AMPH: variants seen among roughly 807,000 people sequenced by gnomAD.
AMPH encodes the protein amphiphysin (Stiff-Mann syndrome with breast cancer 128kD autoantigen).
AMPH carries 49 observed loss-of-function variants against 99.1 expected under a neutral mutation model. The ratio of observed to expected loss-of-function variants is 0.49; its 90% CI spans 0.39 to 0.63. AMPH has a LOEUF of 0.63. AMPH is among the 20% of genes least tolerant of loss of function. The pLI is 0.00. For missense variants in AMPH, 759 were observed against 863.4 expected, an observed-to-expected ratio of 0.88 and a Z score of 1.52; for synonymous variants, 314 against 317.3, an observed-to-expected ratio of 0.99 and a Z score of 0.11.
chr7:38,448,530 A>G (rs566682611), intron 11 of AMPH, among the ~76,000 whole-genome samples: 2 of 152,340 alleles, frequency 1.3e-5, no homozygotes, highest in South Asian at 4.1e-4. Context: ...AAAATAGAAC[A>G]ATGATAACAA....
chr7:38,392,377 CTTTTTTTTTTT>C (rs574057389), intron 18 of AMPH, among the ~76,000 whole-genome samples: 3 of 42,048 alleles, frequency 7.1e-5, no homozygotes, highest in Admixed American at 6.7e-4. Flanking sequence ...CGGCCTGGTT[CTTTTTTTTTTT>C]TTTTTTTTTT....
In AMPH at chr7:38,401,408, C is replaced by T. The variant is rs112519839; in HGVS notation, c.1399-7194G>A. Among the ~76,000 whole-genome samples, 1,036 of 152,322 alleles carry T rather than the reference C, an allele frequency of 6.8e-3. 14 individuals are homozygous for T. Among genetic ancestry groups the T allele is most frequent in the African/African-American group, 0.024 (981 of 41,562 alleles). On this transcript the variant is annotated intron_variant, in intron 17 of 20. Coordinates refer to ENST00000356264, the MANE Select transcript of AMPH (RefSeq NM_001635.4). Reference sequence around the variant, plus strand: ...ACATGTCACCACATTTGCTTTATCACGTCTTCCCACCTATCTGCCTTGATT... The same window carrying T: ...ACATGTCACCACATTTGCTTTATCATGTCTTCCCACCTATCTGCCTTGATT...
intron 9 of AMPH, 39 bp from the exon 10 acceptor site, chr7:38,463,152 A>G: frequency 6.2e-7 from 1 of 1,613,750 alleles, no homozygotes; most frequent in Non-Finnish European, 8.5e-7. Context: ...GGCCTTCTCA[A>G]GAACAGTATT....
intron 2 of AMPH, among the ~76,000 whole-genome samples, chr7:38,533,133 C>A (rs569822268): frequency 1.3e-5 from 2 of 152,172 alleles, no homozygotes; most frequent in African/African-American, 2.4e-5. Flanking sequence ...GCTACCCACA[C>A]GCAGGAGATG....
chr7:38,604,814 TTTTTCTCACCC>T (rs1793372142), intron 1 of AMPH, among the ~76,000 whole-genome samples: 1 of 152,218 alleles, frequency 6.6e-6, no homozygotes, highest in African/African-American at 2.4e-5. Context: ...TCAAAGTTCT[TTTTTCTCACCC>T]TTTTCTTCTC....
At chr7:38,418,315 GAGAGAGAGAGACAGAGATAGAGAC>G (rs1456087424) in intron 16 of AMPH, among the ~76,000 whole-genome samples, 1 of 152,098 alleles carries the variant, frequency 6.6e-6, no homozygotes, top group African/African-American at 2.4e-5. Flanking sequence ...GAGACAGAGA[GAGAGAGAGAGACAGAGATAGAGAC>G]AGAGACGGAG....
chr7:38,531,835 T>C (rs1242850098), intron 2 of AMPH, among the ~76,000 whole-genome samples: 1 of 152,186 alleles, frequency 6.6e-6, no homozygotes, highest in East Asian at 1.9e-4. Context: ...AGAAAAAATA[T>C]GGAATCTAGG....
At chr7:38,394,887 T>G (rs1784623570) in intron 17 of AMPH, among the ~76,000 whole-genome samples, 1 of 152,228 alleles carries the variant, frequency 6.6e-6, no homozygotes, top group South Asian at 2.1e-4. Flanking sequence ...AATTATTTCC[T>G]TCTTGCTTGC....
chr7:38,617,740 C>A (rs1036920324), intron 1 of AMPH, among the ~76,000 whole-genome samples: 4 of 152,020 alleles, frequency 2.6e-5, no homozygotes, highest in African/African-American at 9.7e-5. Context: ...AGTCACAGAT[C>A]TTTTTGAAAA....
intron 11 of AMPH, among the ~76,000 whole-genome samples, chr7:38,457,723 A>C (rs1333186533): frequency 6.6e-6 from 1 of 152,202 alleles, no homozygotes; most frequent in East Asian, 1.9e-4. Flanking sequence ...AAACAGATAC[A>C]ATGCAAAAAG....
intron 7 of AMPH, among the ~76,000 whole-genome samples, chr7:38,468,050 TC>T (rs1787733262): frequency 6.6e-6 from 1 of 152,232 alleles, no homozygotes; most frequent in Non-Finnish European, 1.5e-5. Flanking sequence ...CTTATTCATT[TC>T]CTTAGGACAG....
chr7:38,624,543 T>G, intron 1 of AMPH, among the ~76,000 whole-genome samples: 1 of 135,152 alleles, frequency 7.4e-6, no homozygotes, highest in African/African-American at 2.9e-5. Context: ...ACTACAGTCA[T>G]GGTAAAAAAA....
intron 5 of AMPH, among the ~76,000 whole-genome samples, chr7:38,478,302 C>T (rs546062384): frequency 5.9e-5 from 9 of 152,142 alleles, no homozygotes; most frequent in Admixed American, 5.2e-4. Flanking sequence ...AGTCAGGCTT[C>T]AACCTAAGAA....
In AMPH at chr7:38,579,032, A is replaced by T; in HGVS notation, c.70-44021T>A. Among the ~76,000 whole-genome samples, 2 of 152,212 alleles carry T rather than the reference A, an allele frequency of 1.3e-5. 1 individual carries two copies. The highest frequency in any genetic ancestry group is 3.8e-4 in the East Asian group (2 of 5,198). ...GAGTGATGAAAGCAAATCATATCTT[A>T]GTGTTATTATGAAAATAATGCTGGC... On this transcript the variant is annotated intron_variant, in intron 1 of 20. Transcript: ENST00000356264.
At chr7:38,554,247 C>T (rs1197156276) in intron 1 of AMPH, among the ~76,000 whole-genome samples, 2 of 152,186 alleles carry the variant, frequency 1.3e-5, no homozygotes, top group Non-Finnish European at 2.9e-5. Context: ...CAGCAGATAA[C>T]CAGGTAAATC....
At chr7:38,605,793 G>A (rs1463590930) in intron 1 of AMPH, among the ~76,000 whole-genome samples, 1 of 152,008 alleles carries the variant, frequency 6.6e-6, no homozygotes, top group Non-Finnish European at 1.5e-5. Flanking sequence ...TGTTGGCCAG[G>A]CTAGTCTCAA....
intron 11 of AMPH, among the ~76,000 whole-genome samples, chr7:38,450,091 G>A (rs937252886): frequency 1.3e-5 from 2 of 152,206 alleles, no homozygotes; most frequent in African/African-American, 4.8e-5. Context: ...CCAACACTCA[G>A]GATTGAAAGG....
intron 17 of AMPH, among the ~76,000 whole-genome samples, chr7:38,405,375 A>C (rs556316437): frequency 6.6e-6 from 1 of 152,196 alleles, no homozygotes; most frequent in Non-Finnish European, 1.5e-5. Context: ...ACTTGAGCAT[A>C]AATAGCCTTA....
chr7:38,459,742 T>C (rs925006471), intron 11 of AMPH, among the ~76,000 whole-genome samples: 27 of 151,864 alleles, frequency 1.8e-4, no homozygotes, highest in Non-Finnish European at 1.9e-4. Context: ...ATAAAACAAC[T>C]AGAAAAGGAC....
Sources: gnomAD v4.1 joint callset for allele counts (sites outside exome capture counted in the v4.1 genomes callset) on GRCh38, gnomAD v4.1.1 for gene constraint, MANE v1.5 for transcripts, NCBI Gene and HGNC (gene_info 2026-07-23, HGNC 2026-07-21) for gene names.